ATP2B1: variants seen among roughly 807,000 people sequenced by gnomAD.
ATP2B1 encodes ATPase plasma membrane Ca2+ transporting 1, also known as plasma membrane calcium-transporting ATPase 1.
ATP2B1 carries 14 observed loss-of-function variants against 124.2 expected under a neutral mutation model. The observed-to-expected ratio is 0.11, with a 90% CI of 0.07 to 0.18. ATP2B1 has a LOEUF of 0.18. ATP2B1 is among the 10% of genes least tolerant of loss of function. The pLI, the probability that ATP2B1 is intolerant of heterozygous loss-of-function variation, is 1.00. For missense variants in ATP2B1, 763 were observed against 1,466.1 expected (o/e 0.52, Z 7.83); for synonymous variants, 449 against 492.4 (o/e 0.91, Z 1.17).
chr12:89,655,601 T>C, intron 2 of ATP2B1, 78 bp downstream of exon 2: 1 of 1,352,302 alleles, frequency 7.4e-7, no homozygotes, highest in Non-Finnish European at 1.0e-6. Context: ...GCCAAGATAA[T>C]ATAAGCATGC....
intron 19 of ATP2B1, among the ~76,000 whole-genome samples, chr12:89,600,110 A>C (rs1875498354): frequency 6.6e-6 from 1 of 152,236 alleles, no homozygotes; most frequent in Non-Finnish European, 1.5e-5. Flanking sequence ...ACCATGGTAC[A>C]CTTAGTATGG....
chr12:89,684,527 C>T (rs1411542775), intron 1 of ATP2B1, among the ~76,000 whole-genome samples: 1 of 152,076 alleles, frequency 6.6e-6, no homozygotes, highest in Non-Finnish European at 1.5e-5. Context: ...CATACACATG[C>T]CTATCCACTT....
chr12:89,691,306 C>A (rs978901834), intron 1 of ATP2B1, among the ~76,000 whole-genome samples: 3 of 152,126 alleles, frequency 2.0e-5, no homozygotes, highest in Non-Finnish European at 2.9e-5. Context: ...GATTCTTTAT[C>A]CTTATGACCT....
rs1879065182 is a variant in ATP2B1 at position 89,616,927 on chromosome 12, T to C, written c.1942A>G (p.Ile648Val). The change falls in exon 12 of 21, where the codon ATA (isoleucine) becomes GTA (valine). Residue 648 changes from isoleucine to valine, a missense_variant. By Grantham distance (29) the Ile-to-Val change is conservative. Coordinates refer to ENST00000428670, the MANE Select transcript of ATP2B1 (RefSeq NM_001366521.1). ...EPMASEGLRT[I>V]CLAFRDFPAG... ...GGAAAATCTCTGAATGCAAGACATA[T>C]GGTTCTCAAGCCTTCTGATGCCATC... is the stretch of plus-strand genomic sequence containing the variant. 2 of 1,614,104 alleles carry C rather than the reference T, an allele frequency of 1.2e-6. No homozygotes were observed. The highest frequency in any genetic ancestry group is 1.1e-5 in the South Asian group (1 of 91,076).
intron 2 of ATP2B1, among the ~76,000 whole-genome samples, chr12:89,644,530 A>C (rs1412613052): frequency 6.6e-6 from 1 of 151,694 alleles, no homozygotes; most frequent in Non-Finnish European, 1.5e-5. Context: ...TAGATTTCTC[A>C]GTTGAAAAAA....
intron 6 of ATP2B1, among the ~76,000 whole-genome samples, chr12:89,629,046 G>A (rs1881408971): frequency 6.6e-6 from 1 of 152,116 alleles, no homozygotes; most frequent in Admixed American, 6.5e-5. Flanking sequence ...TTAATTTCTG[G>A]GGAATGTTCT....
In ATP2B1 at chr12:89,591,123, C is replaced by T. The variant is rs752708878; in HGVS notation, c.3524G>A (p.Arg1175His). The change falls in exon 21 of 21, where the codon CGT (arginine) becomes CAT (histidine). Residue 1175 changes from arginine to histidine, a missense_variant. Coordinates refer to ENST00000428670, the MANE Select transcript of ATP2B1 (RefSeq NM_001366521.1). ...TDAEDDAPTK[R>H]NSSPPPSPNK... ...GGGAGAGGGTGGAGGACTGGAGTTA[C>T]GTTTTGTAGGAGCATCATCTTCGGC... 12 of 1,613,018 alleles carry T rather than the reference C, an allele frequency of 7.4e-6. No individual in the cohort carries two copies. The highest frequency in any genetic ancestry group is 1.7e-5 in the Admixed American group (1 of 59,906).
chr12:89,704,561 G>C (rs1024026819), intron 1 of ATP2B1, among the ~76,000 whole-genome samples: 1 of 151,872 alleles, frequency 6.6e-6, no homozygotes, highest in East Asian at 1.9e-4. Flanking sequence ...GGCTAAAAAA[G>C]CTGCTAGCTA....
intron 15 of ATP2B1, among the ~76,000 whole-genome samples, chr12:89,605,949 A>C (rs1240405760): frequency 6.6e-6 from 1 of 152,200 alleles, no homozygotes; most frequent in Non-Finnish European, 1.5e-5. Context: ...TACATAGAAA[A>C]ACTAAGCCAA....
chr12:89,659,455 G>C (rs1812239019), intron 1 of ATP2B1, among the ~76,000 whole-genome samples: 1 of 151,948 alleles, frequency 6.6e-6, no homozygotes, highest in Non-Finnish European at 1.5e-5. Flanking sequence ...ACAATAAGGT[G>C]GATTTTTACT....
chr12:89,612,817 G>A (rs1011573355), intron 12 of ATP2B1, among the ~76,000 whole-genome samples: 6 of 152,120 alleles, frequency 3.9e-5, no homozygotes, highest in South Asian at 2.1e-4. Flanking sequence ...CTTGAAGGTA[G>A]GACCTTTACC....
rs1883679073 is a variant in ATP2B1, at chr12:89,642,354, A to G, written c.210T>C (p.Gly70=). ...CTKLKTSPNE[G]LSGNPADLER... The stretch of plus-strand genomic sequence containing the variant: ...CTAAATCTGCAGGGTTTCCACTTAA[A>G]CCTAATAAAAAGAAACAAATTTCAG... Residue 70 remains glycine (G), a splice_region_variant and synonymous_variant, in exon 3 of 21, where the codon GGT becomes GGC. Coordinates refer to ENST00000428670, the MANE Select transcript of ATP2B1 (RefSeq NM_001366521.1). 3 of 1,601,908 alleles carry G rather than the reference A, an allele frequency of 1.9e-6. No individual in the cohort carries two copies. Among genetic ancestry groups the G allele is most frequent in the Middle Eastern group, 1.7e-4 (1 of 5,984 alleles).
chr12:89,646,549 A>G (rs1884478042), intron 2 of ATP2B1, among the ~76,000 whole-genome samples: 1 of 152,208 alleles, frequency 6.6e-6, no homozygotes, highest in Non-Finnish European at 1.5e-5. Flanking sequence ...CAGAGACGAA[A>G]AGAGGTTTTA....
chr12:89,694,018 A>G (rs574274089), intron 1 of ATP2B1, among the ~76,000 whole-genome samples: 3 of 152,330 alleles, frequency 2.0e-5, no homozygotes, highest in African/African-American at 7.2e-5. Flanking sequence ...TTAGTCCACT[A>G]AGTTACATTC....
chr12:89,597,855 C>T (rs1874944703), intron 20 of ATP2B1, among the ~76,000 whole-genome samples: 3 of 151,632 alleles, frequency 2.0e-5, no homozygotes, highest in South Asian at 2.1e-4. Context: ...ATTGGTTCAA[C>T]GATTAATCAA....
intron 2 of ATP2B1, among the ~76,000 whole-genome samples, chr12:89,643,546 T>C (rs892503236): frequency 6.6e-6 from 1 of 152,194 alleles, no homozygotes; most frequent in African/African-American, 2.4e-5. Context: ...GGAGGTATAC[T>C]GTAGGATGTA....
intron 1 of ATP2B1, among the ~76,000 whole-genome samples, chr12:89,679,965 T>C (rs1889134890): frequency 6.6e-6 from 1 of 152,002 alleles, no homozygotes; most frequent in Non-Finnish European, 1.5e-5. Flanking sequence ...AAGAGAAAAT[T>C]AAGGATCTTA....
At chr12:89,670,532 C>T (rs773589844) in intron 1 of ATP2B1, among the ~76,000 whole-genome samples, 4 of 151,790 alleles carry the variant, frequency 2.6e-5, no homozygotes, top group Non-Finnish European at 5.9e-5. Flanking sequence ...AAGATCCCGT[C>T]GTGCAAGTAT....
intron 1 of ATP2B1, among the ~76,000 whole-genome samples, chr12:89,699,235 C>T (rs1027856538): frequency 5.3e-5 from 8 of 152,146 alleles, no homozygotes; most frequent in Non-Finnish European, 1.5e-5. Context: ...TCTCTTCTCC[C>T]TTGTGGATTT....
Sources: allele counts gnomAD v4.1 joint callset (sites outside exome capture counted in the v4.1 genomes callset), GRCh38; gene constraint gnomAD v4.1.1; transcripts MANE v1.5; gene names NCBI Gene and HGNC (gene_info 2026-07-23, HGNC 2026-07-21).